The following SYCE2 variants were observed in gnomAD, a reference collection of about 807,000 sequenced individuals.
The protein encoded by SYCE2 is synaptonemal complex central element protein 2, also known as central element synaptonemal complex 1.
A neutral mutation model predicts 27.9 loss-of-function variants in SYCE2; 3 were observed. The observed-to-expected ratio is 0.11, with a 90% confidence interval of 0.05 to 0.28. SYCE2 has a LOEUF of 0.28. Ranked by LOEUF, SYCE2 falls within the 10% of genes least tolerant of loss-of-function variation. The pLI is 1.00. For synonymous variants in SYCE2, 85 were observed against 100.7 expected (o/e 0.84, Z 0.93); for missense variants, 207 against 263.5 (o/e 0.79, Z 1.48).
intron 3 of SYCE2, 68 bp from the exon 4 acceptor site, chr19:12,900,716 G>A: frequency 7.1e-7 from 1 of 1,416,258 alleles, no homozygotes; most frequent in Non-Finnish European, 9.7e-7. Context: ...TGTGTTAAGT[G>A]GGTTTCTTAG....
intron 2 of SYCE2, among the ~76,000 whole-genome samples, chr19:12,912,379 C>G (rs1599639800): frequency 6.7e-6 from 1 of 148,418 alleles, no homozygotes; most frequent in African/African-American, 2.6e-5. Context: ...TGCTTCTCTA[C>G]CCCCCGCTAT....
In SYCE2 at chr19:12,899,265, C is replaced by A. The variant is rs1970773388; in HGVS notation, c.*76G>T. 3.8e-6 allele frequency: 5 copies of A among 1,322,010 alleles called. No homozygotes were observed. In the South Asian group the frequency reaches 5.9e-5, roughly 16 times the overall value. The allele number at this position is 1,322,010 out of a possible 1,614,324, so 81.9% of individuals were successfully genotyped here. A position where few individuals can be genotyped will look rare whatever the true frequency, so the allele number is the denominator to read the frequency against. On this transcript the variant is annotated 3_prime_UTR_variant, in exon 6 of 6. Coordinates refer to ENST00000293695, the MANE Select transcript of SYCE2 (RefSeq NM_001105578.2). Reference sequence around the variant, plus strand: ...ATTATAGAACCATGAAAAACAATTTCTCAGTGTGGCCCAAATGGTGGCCTC... The same window carrying A: ...ATTATAGAACCATGAAAAACAATTTATCAGTGTGGCCCAAATGGTGGCCTC...
chr19:12,914,412 G>A (rs1467485682), intron 2 of SYCE2, among the ~76,000 whole-genome samples: 1 of 152,024 alleles, frequency 6.6e-6, no homozygotes, highest in African/African-American at 2.4e-5. Flanking sequence ...TTTCAAGCCG[G>A]TAGGAGCTGG....
chr19:12,911,554 C>A (rs1213891880), intron 2 of SYCE2, among the ~76,000 whole-genome samples: 1 of 151,700 alleles, frequency 6.6e-6, no homozygotes, highest in Non-Finnish European at 1.5e-5. Flanking sequence ...ATTCTCCCAC[C>A]TCAGCCTCCC....
intron 2 of SYCE2, among the ~76,000 whole-genome samples, chr19:12,908,562 G>T (rs1288987999): frequency 6.6e-6 from 1 of 151,946 alleles, no homozygotes; most frequent in African/African-American, 2.4e-5. Flanking sequence ...GTGACCTCAT[G>T]ATCTGCCCAC....
chr19:12,909,017 A>ACT (rs1381449798), intron 2 of SYCE2, among the ~76,000 whole-genome samples: 3 of 152,202 alleles, frequency 2.0e-5, no homozygotes, highest in Non-Finnish European at 4.4e-5. Flanking sequence ...ATCCCTGAAC[A>ACT]GTCCCCTTTC....
chr19:12,911,117 G>A (rs532035305), intron 2 of SYCE2, among the ~76,000 whole-genome samples: 15 of 152,110 alleles, frequency 9.9e-5, no homozygotes, highest in Admixed American at 3.9e-4. Context: ...GACTACAGGC[G>A]GGTACCACTA....
chr19:12,899,745 G>A (rs1223561257), intron 5 of SYCE2: 1 of 1,611,530 alleles, frequency 6.2e-7, no homozygotes, highest in Non-Finnish European at 8.5e-7. Flanking sequence ...TCTCTGTAGA[G>A]CGTCTCAATC....
chr19:12,902,196 T>G (rs1421177061), intron 3 of SYCE2, among the ~76,000 whole-genome samples: 2 of 152,080 alleles, frequency 1.3e-5, no homozygotes, highest in Non-Finnish European at 1.5e-5. Context: ...CTATACCATC[T>G]AGGTTTGTGT....
chr19:12,906,264 C>T (rs1415982366), intron 2 of SYCE2: 1 of 152,172 alleles, frequency 6.6e-6, no homozygotes, highest in Non-Finnish European at 1.5e-5. Flanking sequence ...CCTCCTTGCT[C>T]CCACCAGGTG....
intron 1 of SYCE2, among the ~76,000 whole-genome samples, chr19:12,918,895 G>A (rs148495605): frequency 0.042 from 6,366 of 151,182 alleles, 173 homozygotes; most frequent in African/African-American, 0.072. Flanking sequence ...AGGTTGCAGT[G>A]AGCCGAGATC....
chr19:12,916,787 C>CT (rs1021094010), intron 2 of SYCE2, among the ~76,000 whole-genome samples: 6 of 149,102 alleles, frequency 4.0e-5, no homozygotes, highest in East Asian at 1.9e-4. Context: ...TTCTTTCTTT[C>CT]TTTTTTTTCA....
intron 2 of SYCE2, among the ~76,000 whole-genome samples, chr19:12,909,541 C>T (rs1213280441): frequency 1.3e-5 from 2 of 152,008 alleles, no homozygotes; most frequent in African/African-American, 2.4e-5. Context: ...CTCATTTCTA[C>T]CTTCTTTGTT....
intron 2 of SYCE2, among the ~76,000 whole-genome samples, chr19:12,911,331 TC>T (rs1346845178): frequency 1.3e-5 from 2 of 151,998 alleles, no homozygotes; most frequent in African/African-American, 4.8e-5. Context: ...CCTAAAACCA[TC>T]CCCACCAGCC....
intron 2 of SYCE2, among the ~76,000 whole-genome samples, chr19:12,917,899 TC>T (rs1458132056): frequency 2.0e-5 from 3 of 152,062 alleles, no homozygotes; most frequent in African/African-American, 7.2e-5. Flanking sequence ...CCTTAGGTGA[TC>T]CACCCGCCTT....
At chr19:12,915,958 C>G (rs1971130780) in intron 2 of SYCE2, among the ~76,000 whole-genome samples, 1 of 152,186 alleles carries the variant, frequency 6.6e-6, no homozygotes, top group Non-Finnish European at 1.5e-5. Context: ...GCACCATGAT[C>G]TCTTCCCTGT....
In SYCE2 at chr19:12,903,674, C is replaced by T. The variant is rs905834332; in HGVS notation, c.306+818G>A. On this transcript the variant is annotated intron_variant, in intron 3 of 5. Transcript: ENST00000293695. ...TGCTGGGATTATAGGCGTGAGCCAC[C>T]ACACCTGGCCCCTATTTATTTATTT... 6.0e-5 allele frequency among the ~76,000 whole-genome samples: 9 copies of T among 150,752 alleles called. No individual in the cohort carries two copies. In the South Asian group the frequency reaches 6.3e-4, roughly 11 times the overall value.
At chr19:12,900,768 G>T in intron 3 of SYCE2, 120 bp from the exon 4 acceptor site, 1 of 990,208 alleles carries the variant, frequency 1.0e-6, no homozygotes, top group Non-Finnish European at 1.5e-6. Flanking sequence ...AATAGGCTGG[G>T]CACGGTGGCT....
intron 2 of SYCE2, among the ~76,000 whole-genome samples, chr19:12,911,701 A>G (rs1453717046): frequency 7.4e-6 from 1 of 135,032 alleles, no homozygotes; most frequent in East Asian, 2.2e-4. Flanking sequence ...CACTGCAACC[A>G]CTATCTCCCA....
Sources: gnomAD v4.1 joint callset for allele counts (sites outside exome capture counted in the v4.1 genomes callset) on GRCh38, gnomAD v4.1.1 for gene constraint, MANE v1.5 for transcripts, NCBI Gene and HGNC (gene_info 2026-07-23, HGNC 2026-07-21) for gene names.